The following CNOT6L variants were observed in gnomAD, a reference collection of about 807,000 sequenced individuals.
CNOT6L encodes CCR4-NOT transcription complex subunit 6-like.
Under a neutral mutation model 64.0 loss-of-function variants are expected in CNOT6L, and 7 were observed. The observed-to-expected ratio is 0.11, with a 90% confidence interval of 0.06 to 0.21. CNOT6L has a LOEUF of 0.21. Ranked by LOEUF, CNOT6L falls within the 10% of genes least tolerant of loss-of-function variation. The probability of loss-of-function intolerance (pLI) is 1.00; values close to 1 mark genes in which losing one functional copy is unlikely to be tolerated. For missense variants in CNOT6L, 245 were observed against 669.0 expected, an observed-to-expected ratio of 0.37 and a Z score of 6.99; for synonymous variants, 193 against 243.4, an observed-to-expected ratio of 0.79 and a Z score of 1.93.
intron 6 of CNOT6L, among the ~76,000 whole-genome samples, chr4:77,746,501 GAAGCACCATACCTCACAAGAA>G (rs1371680801): frequency 6.6e-6 from 1 of 152,032 alleles, no homozygotes; most frequent in Non-Finnish European, 1.5e-5. Context: ...CCTACTCAGA[GAAGCACCATACCTCACAAGAA>G]AAGTCCACAC....
At chr4:77,731,189 T>C (rs1454911753) in intron 9 of CNOT6L, among the ~76,000 whole-genome samples, 198 bp downstream of exon 9, 1 of 152,152 alleles carries the variant, frequency 6.6e-6, no homozygotes, top group Non-Finnish European at 1.5e-5. Context: ...AAAAAGACTG[T>C]GATAGAGAGC....
intron 5 of CNOT6L, among the ~76,000 whole-genome samples, chr4:77,754,786 T>G (rs1560590495): frequency 6.8e-6 from 1 of 147,204 alleles, no homozygotes; most frequent in East Asian, 2.1e-4. Flanking sequence ...AAAGATGACA[T>G]TAAAAAACAA....
rs181363034 is a variant in CNOT6L at position 77,729,280 on chromosome 4, C to T, written c.1025-199G>A. Among the ~76,000 whole-genome samples, 179 of 152,284 alleles carry T rather than the reference C, an allele frequency of 1.2e-3. 2 individuals are homozygous for T. The highest frequency in any genetic ancestry group is 4.1e-3 in the African/African-American group (169 of 41,560). ...TGGTAATCCTACTATGGGAATTACTCTCCTAGATCAAGTTGGCAAACTGTA... is the reference window on the plus strand; with the variant it reads ...TGGTAATCCTACTATGGGAATTACTTTCCTAGATCAAGTTGGCAAACTGTA... On this transcript the variant is annotated intron_variant, in intron 9 of 11. Coordinates refer to ENST00000504123, the MANE Select transcript of CNOT6L (RefSeq NM_144571.3).
At chr4:77,797,395 G>A (rs1380239213) in intron 1 of CNOT6L, among the ~76,000 whole-genome samples, 1 of 152,182 alleles carries the variant, frequency 6.6e-6, no homozygotes, top group East Asian at 1.9e-4. Context: ...TGAGTAGTGT[G>A]ATGAAATCTC....
At chr4:77,730,387 C>T (rs1486495883) in intron 9 of CNOT6L, among the ~76,000 whole-genome samples, 1 of 151,954 alleles carries the variant, frequency 6.6e-6, no homozygotes, top group Non-Finnish European at 1.5e-5. Flanking sequence ...GAGCCATAAG[C>T]ACTATATTAC....
rs563659969 is a variant in CNOT6L, at chr4:77,758,522, G to A, written c.401-1571C>T. On this transcript the variant is annotated intron_variant, in intron 4 of 11. Coordinates refer to ENST00000504123, the MANE Select transcript of CNOT6L (RefSeq NM_144571.3). ...GATCCAACATGTAAAGATTTTAAAAGCTGTCACTCCTGTCCTCACAATTGA... is the reference window on the plus strand; with the variant it reads ...GATCCAACATGTAAAGATTTTAAAAACTGTCACTCCTGTCCTCACAATTGA... Among the ~76,000 whole-genome samples, 138 of 152,326 alleles carry A rather than the reference G, an allele frequency of 9.1e-4. 7 individuals carry two copies. The South Asian group carries it at 0.029, about 32-fold the overall frequency.
At chr4:77,812,300 T>C (rs1014499466) in intron 1 of CNOT6L, among the ~76,000 whole-genome samples, 2 of 151,790 alleles carry the variant, frequency 1.3e-5, no homozygotes, top group Non-Finnish European at 2.9e-5. Context: ...TAGCCAGGCA[T>C]GGTGGCAGGC....
intron 5 of CNOT6L, among the ~76,000 whole-genome samples, chr4:77,748,852 C>CTTTTATAATGTCA (rs1373978361): frequency 3.3e-5 from 5 of 152,030 alleles, no homozygotes; most frequent in Non-Finnish European, 7.4e-5. Flanking sequence ...TGATTTTACT[C>CTTTTATAATGTCA]TTTTATAATG....
At position 77,786,483 on chromosome 4, in the gene CNOT6L, A is replaced by AT. The variant is rs548714808; in HGVS notation, c.6-10092dup. Among the ~76,000 whole-genome samples the AT allele has an allele frequency of 2.4e-4, 36 of 151,718 alleles. 1 individual carries two copies. The highest frequency in any genetic ancestry group is 3.4e-3 in the Middle Eastern group (1 of 294). On this transcript the variant is annotated intron_variant, in intron 1 of 11. Coordinates refer to ENST00000504123, the MANE Select transcript of CNOT6L (RefSeq NM_144571.3). ...GAAAATAAAAGTAAATTAAAAAAAA[A>AT]TTTTTTTTGAGACAGGGTCTTACTC...
At chr4:77,770,836 C>G (rs1727456912) in intron 4 of CNOT6L, among the ~76,000 whole-genome samples, 1 of 152,108 alleles carries the variant, frequency 6.6e-6, no homozygotes, top group Non-Finnish European at 1.5e-5. Flanking sequence ...ACCATTTTAA[C>G]TAGAAAAACT....
chr4:77,729,558 T>C (rs1319540100), intron 9 of CNOT6L, among the ~76,000 whole-genome samples: 1 of 152,234 alleles, frequency 6.6e-6, no homozygotes, highest in Non-Finnish European at 1.5e-5. Context: ...ATCTGCTACC[T>C]GAACAAATTC....
At chr4:77,818,171 C>T (rs542616168) in intron 1 of CNOT6L, among the ~76,000 whole-genome samples, 26 of 152,300 alleles carry the variant, frequency 1.7e-4, no homozygotes, top group African/African-American at 6.3e-4. Context: ...AAATGTAACA[C>T]TGTGCTTCCA....
At chr4:77,736,256 T>C (rs1243319387) in intron 8 of CNOT6L, among the ~76,000 whole-genome samples, 1 of 152,230 alleles carries the variant, frequency 6.6e-6, no homozygotes, top group African/African-American at 2.4e-5. Flanking sequence ...AGTTGAAAAC[T>C]AGTTGAACCA....
At chr4:77,797,895 A>G (rs1731048567) in intron 1 of CNOT6L, among the ~76,000 whole-genome samples, 1 of 152,242 alleles carries the variant, frequency 6.6e-6, no homozygotes, top group Non-Finnish European at 1.5e-5. Context: ...TAAAATATCT[A>G]GAAGAAAACA....
intron 9 of CNOT6L, among the ~76,000 whole-genome samples, chr4:77,730,156 TGTTA>T (rs1722285298): frequency 6.6e-6 from 1 of 152,150 alleles, no homozygotes; most frequent in Admixed American, 6.6e-5. Context: ...TCTACTAGTT[TGTTA>T]AAGTTTCTTT....
chr4:77,818,947 G>C (rs1354731530), intron 1 of CNOT6L: 1 of 637,416 alleles, frequency 1.6e-6, no homozygotes, highest in Admixed American at 2.1e-5. Context: ...AGCCCTCCCC[G>C]GCCGGCCCCC....
chr4:77,748,418 A>C (rs1161924863), intron 5 of CNOT6L, 34 bp from the exon 6 acceptor site: 3 of 1,361,284 alleles, frequency 2.2e-6, no homozygotes, highest in Non-Finnish European at 1.0e-6. Context: ...GGTTAATTTC[A>C]TGTGTTTCTG....
chr4:77,793,613 A>C (rs1414777838), intron 1 of CNOT6L, among the ~76,000 whole-genome samples: 1 of 152,136 alleles, frequency 6.6e-6, no homozygotes, highest in Non-Finnish European at 1.5e-5. Context: ...ACAGAGCAGG[A>C]GAACAGAGAA....
At chr4:77,819,381 G>A (rs529061546), upstream of CNOT6L, 9 of 1,609,246 alleles carry the variant, frequency 5.6e-6, no homozygotes, top group Admixed American at 1.7e-5. Context: ...AAACACGCGC[G>A]CGCGCGCGCA....
Sources: gnomAD v4.1 joint callset for allele counts (sites outside exome capture counted in the v4.1 genomes callset) on GRCh38, gnomAD v4.1.1 for gene constraint, MANE v1.5 for transcripts, NCBI Gene and HGNC (gene_info 2026-07-23, HGNC 2026-07-21) for gene names.